Variants in NEB observed in about 807,000 individuals in gnomAD.
NEB encodes the protein nebulin, also known as nemaline myopathy type 2.
In NEB, 512 loss-of-function variants were observed where a neutral mutation model predicts 952.2. The ratio of observed to expected loss-of-function variants is 0.54; its 90% CI spans 0.50 to 0.58. The LOEUF (loss-of-function observed/expected upper bound fraction) is 0.58, where lower values mean the gene tolerates loss of function less well. NEB is among the 20% of genes least tolerant of loss of function. The pLI is 0.00. For missense variants in NEB, 8,428 were observed against 9,231.1 expected (o/e 0.91, Z 3.56); for synonymous variants, 2,900 against 3,149.8 (o/e 0.92, Z 2.66).
At chr2:151,679,032 G>C (rs757141482) in intron 32 of NEB, among the ~76,000 whole-genome samples, 13 of 152,136 alleles carry the variant, frequency 8.5e-5, no homozygotes, top group Non-Finnish European at 1.3e-4. Context: ...AGCAAGAGGA[G>C]ACCCGCAGGA....
chr2:151,669,153 T>G lies in NEB; in HGVS notation c.4507-22A>C, dbSNP rs776448065. The G allele has an allele frequency of 2.1e-6, 3 of 1,434,154 alleles. No individual in the cohort carries two copies. In the African/African-American group the frequency reaches 4.2e-5, roughly 20 times the overall value. 88.8% of individuals were successfully genotyped at this position (1,434,154 alleles called of 1,614,324 possible). On this transcript the variant is annotated intron_variant, in intron 38 of 181. Coordinates refer to ENST00000397345, the MANE Select transcript of NEB (RefSeq NM_001164508.2). ...TCAACTAAAAACAAAGGAGACAGCA[T>G]GCACATATCATTAGCTGACATAATA...
At chr2:151,616,862 T>C (rs887912203) in intron 75 of NEB, among the ~76,000 whole-genome samples, 8 of 152,262 alleles carry the variant, frequency 5.3e-5, no homozygotes, top group African/African-American at 1.9e-4. Context: ...CTTATTTTGC[T>C]GTGGACTATT....
chr2:151,725,386 C>G lies in NEB; in HGVS notation c.402+67G>C. The G allele has an allele frequency of 3.9e-6, 5 of 1,272,656 alleles. 1 individual carries two copies. In the South Asian group the frequency reaches 6.8e-5, roughly 17 times the overall value. The allele number at this position is 1,272,656 out of a possible 1,614,324, so 78.8% of individuals were successfully genotyped here. On this transcript the variant is annotated intron_variant, in intron 6 of 181. Coordinates refer to ENST00000397345, the MANE Select transcript of NEB (RefSeq NM_001164508.2). ...TCATTCTCACAGCACATATTTAGAG[C>G]CCACAATTCCCAGCAGTAGGTGTAT... is the stretch of plus-strand genomic sequence containing the variant.
rs138144648 is a variant in NEB, at chr2:151,567,060, A to G, written c.18156+108T>C. ...CCTCAATTCCCTTTGGGAACAAATT[A>G]AATATCGATGGCCTCAAATTTCAAG... On this transcript the variant is annotated intron_variant, in intron 114 of 181. Transcript: ENST00000397345. The G allele has an allele frequency of 1.2e-4, 120 of 997,598 alleles. 1 individual carries two copies. The African/African-American group carries it at 1.6e-3, about 13-fold the overall frequency. 61.8% of individuals were successfully genotyped at this position (997,598 alleles called of 1,614,324 possible).
At chr2:151,498,077 T>TATC (rs2061524579) in intron 170 of NEB, 183 bp downstream of exon 170, 2 of 1,466,758 alleles carry the variant, frequency 1.4e-6, no homozygotes, top group Non-Finnish European at 1.8e-6. Flanking sequence ...TGTTTGTAAA[T>TATC]ATCAGATGAA....
Position 151,729,603 on chromosome 2 carries a change from G to A in NEB, c.78+12C>T, listed in dbSNP as rs764064327. The A allele has an allele frequency of 4.3e-6, 7 of 1,612,816 alleles. No homozygotes were observed. Among genetic ancestry groups the A allele is most frequent in the Admixed American group, 1.7e-5 (1 of 59,948 alleles). On this transcript the variant is annotated intron_variant, in intron 4 of 181. Coordinates refer to ENST00000397345, the MANE Select transcript of NEB (RefSeq NM_001164508.2). ...GAGAATGCAGTTTATGCAGCTGTGG[G>A]CTGGGCCTTACCTCTCCCGGCACCT... is the stretch of plus-strand genomic sequence containing the variant.
At chr2:151,547,807 G>T in intron 131 of NEB, 69 bp from the exon 132 acceptor site, 1 of 1,020,470 alleles carries the variant, frequency 9.8e-7, no homozygotes. Flanking sequence ...GACTAATCAA[G>T]AATAAAATAT....
chr2:151,547,723 A>G lies in NEB; in HGVS notation c.20173T>C (p.Leu6725=), dbSNP rs776295133. ...ATCTTGTCTTTCAGTTTGTGGTACA[A>G]TTCCCGATACAGTCTCTACGTTGGA... ...NVTSERLYRE[L]YHKLKDKIHT... is the part of the protein sequence containing the mutation. Residue 6725 remains leucine, a synonymous_variant, in exon 132 of 182, where the codon TTG becomes CTG. Transcript: ENST00000397345. The G allele has an allele frequency of 6.2e-7, 1 of 1,613,142 alleles. No homozygotes were observed. The highest frequency in any genetic ancestry group is 8.5e-7 in the Non-Finnish European group (1 of 1,179,522).
intron 4 of NEB, among the ~76,000 whole-genome samples, chr2:151,728,496 T>A (rs1002256386): frequency 1.3e-5 from 2 of 152,204 alleles, no homozygotes; most frequent in African/African-American, 2.4e-5. Flanking sequence ...GTCAGTTAAT[T>A]AATGTGAACC....
chr2:151,575,844 T>G (rs1243426902), intron 106 of NEB, 45 bp from the exon 107 acceptor site: 2 of 1,302,530 alleles, frequency 1.5e-6, no homozygotes, highest in East Asian at 4.6e-5. Context: ...ACAATTTTCA[T>G]GTTGCTAGTC....
At chr2:151,577,781 G>A (rs901739029) in intron 105 of NEB, among the ~76,000 whole-genome samples, 2 of 152,162 alleles carry the variant, frequency 1.3e-5, no homozygotes, top group Admixed American at 1.3e-4. Context: ...GTTTCACCAT[G>A]TTGGTCAGGC....
intron 128 of NEB, among the ~76,000 whole-genome samples, chr2:151,552,225 T>G (rs2153650573): frequency 6.6e-6 from 1 of 152,344 alleles, no homozygotes; most frequent in South Asian, 2.1e-4. Context: ...CCCCATTTTA[T>G]GCATCAGAAT....
Position 151,690,802 on chromosome 2 carries a change from A to C in NEB, c.2235T>G (p.Asp745Glu). 1.3e-6 allele frequency: 2 copies of C among 1,592,190 alleles called. No individual in the cohort carries two copies. Among genetic ancestry groups the C allele is most frequent in the Non-Finnish European group, 1.7e-6 (2 of 1,168,452 alleles). Residue 745 changes from aspartate (D) to glutamate (E), a missense_variant, in exon 24 of 182, where the codon GAT becomes GAG. Asp to Glu is a conservative substitution (Grantham distance 45). Transcript: ENST00000397345. ...CKDHTYKVHPDKTKFTAVTDS... is the reference protein window; with the variant it reads ...CKDHTYKVHPEKTKFTAVTDS... ...CAGTGACTGCCGTGAATTTGGTCTT[A>C]TCTGGATGAACTTTGTAGGTATGCT... is the stretch of plus-strand genomic sequence containing the variant.
At chr2:151,617,727 A>T (rs975910012) in intron 74 of NEB, among the ~76,000 whole-genome samples, 5 of 146,372 alleles carry the variant, frequency 3.4e-5, no homozygotes, top group African/African-American at 1.2e-4. Flanking sequence ...AGCACACAGT[A>T]TTTTTTTTTT....
At chr2:151,707,707 C>T (rs2099716857) in intron 12 of NEB, among the ~76,000 whole-genome samples, 1 of 152,160 alleles carries the variant, frequency 6.6e-6, no homozygotes, top group African/African-American at 2.4e-5. Context: ...TCCTGGTTCC[C>T]ACCATGATCC....
intron 9 of NEB, among the ~76,000 whole-genome samples, chr2:151,722,398 G>A (rs897269776): frequency 1.3e-5 from 2 of 152,182 alleles, no homozygotes; most frequent in African/African-American, 2.4e-5. Context: ...CTAACATACA[G>A]TTTTCAAGGT....
chr2:151,692,493 A>T, intron 20 of NEB, 131 bp from the exon 21 acceptor site: 1 of 726,918 alleles, frequency 1.4e-6, no homozygotes, highest in Non-Finnish European at 2.4e-6. Context: ...AATTTTCCAC[A>T]AAGCAGAAAA....
chr2:151,710,395 C>A, intron 11 of NEB, 39 bp downstream of exon 11: 1 of 1,442,190 alleles, frequency 6.9e-7, no homozygotes, highest in South Asian at 1.2e-5. Flanking sequence ...AGGGGTCTCC[C>A]TCCCAGGATG....
intron 148 of NEB, 85 bp downstream of exon 148, chr2:151,526,833 A>G: frequency 9.8e-7 from 1 of 1,016,458 alleles, no homozygotes; most frequent in South Asian, 1.4e-5. Context: ...GCTCTTCTCC[A>G]TCCTTCCCTG....
Sources: allele counts gnomAD v4.1 joint callset (sites outside exome capture counted in the v4.1 genomes callset), GRCh38; gene constraint gnomAD v4.1.1; transcripts MANE v1.5; gene names NCBI Gene and HGNC (gene_info 2026-07-23, HGNC 2026-07-21).